VWF: variants seen among roughly 807,000 people sequenced by gnomAD.
VWF encodes Factor VIII related antigen.
Under a neutral mutation model 308.6 loss-of-function variants are expected in VWF, and 176 were observed. The observed-to-expected ratio is 0.57, with a 90% CI of 0.50 to 0.65. The LOEUF is 0.65. Ranked by LOEUF, VWF falls within the 30% of genes least tolerant of loss-of-function variation. The pLI is 0.00. For missense variants in VWF, 3,146 were observed against 3,648.2 expected (o/e 0.86, Z 3.55); for synonymous variants, 1,385 against 1,443.4 (o/e 0.96, Z 0.92).
chr12:5,990,334 G>T (rs552330781), intron 38 of VWF, among the ~76,000 whole-genome samples: 2 of 152,278 alleles, frequency 1.3e-5, no homozygotes, highest in Admixed American at 1.3e-4. Context: ...TTGAGCCTCA[G>T]TCTCATCCAT....
rs1944834503 is a variant in VWF, at chr12:6,075,645, C to A, written c.658-94G>T. The A allele has an allele frequency of 7.3e-7, 1 of 1,378,792 alleles. No homozygotes were observed. The highest frequency in any genetic ancestry group is 1.4e-5 in the African/African-American group (1 of 69,760). 85.4% of individuals were successfully genotyped at this position (1,378,792 alleles called of 1,614,324 possible). A position where few individuals can be genotyped will look rare whatever the true frequency, so the allele number is the denominator to read the frequency against. ...AGCCCTGCTAGGGAAACCAAGGCAGCTCCCTCAGCACCTGGGACAGGCTGG... is the reference window on the plus strand; with the variant it reads ...AGCCCTGCTAGGGAAACCAAGGCAGATCCCTCAGCACCTGGGACAGGCTGG... On this transcript the variant is annotated intron_variant, in intron 6 of 51. Transcript: ENST00000261405. This position sits in a 1 kb window ranked among gnomAD's most constrained non-coding sequence, Gnocchi z 4.7.
At chr12:6,026,188 G>T (rs1466459853) in intron 22 of VWF, 142 bp from the exon 23 acceptor site, 30 of 1,212,638 alleles carry the variant, frequency 2.5e-5, no homozygotes, top group Non-Finnish European at 3.3e-5. Flanking sequence ...AGACTCAGAG[G>T]AGGCCCGAGG....
At chr12:6,052,458 TC>T (rs759091278) in intron 16 of VWF, 84 bp downstream of exon 16, 5 of 1,598,130 alleles carry the variant, frequency 3.1e-6, no homozygotes, top group Non-Finnish European at 3.4e-6. Flanking sequence ...AGTTTACCCA[TC>T]CATGAAGTAA....
chr12:5,974,878 T>C (rs1943516234), intron 43 of VWF, among the ~76,000 whole-genome samples: 1 of 152,156 alleles, frequency 6.6e-6, no homozygotes, highest in African/African-American at 2.4e-5. Flanking sequence ...AAATCCCCTT[T>C]TATTGTAGCT....
chr12:6,057,910 G>A lies in VWF; in HGVS notation c.1668C>T (p.His556=), dbSNP rs531761442. Residue 556 remains histidine (H), a synonymous_variant, in exon 14 of 52, where the codon CAC becomes CAT. Transcript: ENST00000261405. ...GCTTCTGCAGGTCCTGGCAGTCCCCGTGCAGCTTCCAGGCGTTCCCGAAGT... is the reference window on the plus strand; with the variant it reads ...GCTTCTGCAGGTCCTGGCAGTCCCCATGCAGCTTCCAGGCGTTCCCGAAGT... The part of the protein sequence containing the change: ...VEDFGNAWKL[H]GDCQDLQKQH... 46 of 1,613,262 alleles carry A rather than the reference G, an allele frequency of 2.9e-5. No homozygotes were observed. The Admixed American group carries it at 5.3e-4, about 19-fold the overall frequency.
rs34547698 is a variant in VWF, at chr12:6,025,022, C to CA, written c.3222+557dup. 1.6e-4 allele frequency among the ~76,000 whole-genome samples: 19 copies of CA among 119,688 alleles called. 1 individual carries two copies. The highest frequency in any genetic ancestry group is 5.2e-4 in the South Asian group (2 of 3,860). The allele number at this position is 119,688 out of a possible 152,430, so 78.5% of individuals were successfully genotyped here. Reference sequence around the variant, plus strand: ...TGGGTGACAGAGCGAGACTCTGTCTCAAAAAAAAAAAAAAAAGAGAGAGAC... The same window carrying CA: ...TGGGTGACAGAGCGAGACTCTGTCTCAAAAAAAAAAAAAAAAAGAGAGAGAC... On this transcript the variant is annotated intron_variant, in intron 24 of 51. Coordinates refer to ENST00000261405, the MANE Select transcript of VWF (RefSeq NM_000552.5).
chr12:5,964,222 A>ACATACATACATACATACATGCATG (rs879807475), intron 47 of VWF, among the ~76,000 whole-genome samples: 1 of 116,678 alleles, frequency 8.6e-6, no homozygotes, highest in Non-Finnish European at 1.7e-5. Flanking sequence ...GTCTAAAAAT[A>ACATACATACATACATACATGCATG]CATACATACA....
At position 5,969,201 on chromosome 12, in the gene VWF, C is replaced by T. The variant is rs964948564; in HGVS notation, c.7729+10G>A. 1.9e-6 allele frequency: 3 copies of T among 1,609,894 alleles called. No homozygotes were observed. The highest frequency in any genetic ancestry group is 2.7e-5 in the African/African-American group (2 of 74,894). On this transcript the variant is annotated intron_variant, in intron 45 of 51. Transcript: ENST00000261405. Reference sequence around the variant, plus strand: ...CCCGGTCCAGCCCAGCCCCAGCCTGCATGCCTTACCACAGCGACAGCTTGG... The same window carrying T: ...CCCGGTCCAGCCCAGCCCCAGCCTGTATGCCTTACCACAGCGACAGCTTGG...
chr12:5,982,425 C>A (rs1009866593), intron 41 of VWF, among the ~76,000 whole-genome samples: 1 of 152,198 alleles, frequency 6.6e-6, no homozygotes, highest in Non-Finnish European at 1.5e-5. Flanking sequence ...ATACCCTACA[C>A]TTTAGGTCCG....
At chr12:6,101,545 G>A (rs574861194) in intron 5 of VWF, among the ~76,000 whole-genome samples, 59 of 151,134 alleles carry the variant, frequency 3.9e-4, no homozygotes, top group Middle Eastern at 7.1e-3. Context: ...GGGAGGCCGA[G>A]GAGGGCAGAT....
In VWF at chr12:5,991,918, T is replaced by C. The variant is rs553793764; in HGVS notation, c.6699A>G (p.Glu2233=). 2.5e-6 allele frequency: 4 copies of C among 1,614,154 alleles called. No individual in the cohort carries two copies. The South Asian group carries it at 3.3e-5, about 13-fold the overall frequency. The change falls in exon 38 of 52, where the codon GAA becomes GAG. Residue 2233 remains glutamate, a synonymous_variant. Transcript: ENST00000261405. ...CTTTATCTGGAGGGCAGAAACAGCC[T>C]TCGGAGGGATGGTCCCCACAGGAGC... ...NVSSCGDHPS[E]GCFCPPDKVM...
chr12:6,073,692 G>T lies in VWF; in HGVS notation c.924C>A (p.Cys308Ter), dbSNP rs557379500. Residue 308 changes from cysteine (C) to a stop codon, truncating the protein, a stop_gained, in exon 8 of 52, where the codon TGC becomes TGA. Transcript: ENST00000261405. LOFTEE classifies it high-confidence loss of function. Reference protein sequence around the residue: ...GMEYRQCVSPCARTCQSLHIN... With the variant: ...GMEYRQCVSP ...TGTGCAGGCTCTGGCAGGTCCTGGC[G>T]CAAGGGGACACACACTGCCTATACT... 1 of 1,613,894 alleles carries T rather than the reference G, an allele frequency of 6.2e-7. No homozygotes were observed. Among genetic ancestry groups the T allele is most frequent in the Non-Finnish European group, 8.5e-7 (1 of 1,180,018 alleles).
Position 5,976,241 on chromosome 12 carries a change from G to A in VWF, c.7307C>T (p.Thr2436Ile), listed in dbSNP as rs1456012153. The A allele has an allele frequency of 6.2e-7, 1 of 1,614,164 alleles. No individual in the cohort carries two copies. Among genetic ancestry groups the A allele is most frequent in the Admixed American group, 1.7e-5 (1 of 60,018 alleles). ...CCAGAACTGGCCCACAGGGTAGATGGTGCTTCGGTGGACACACACCTGTAG... is the reference window on the plus strand; with the variant it reads ...CCAGAACTGGCCCACAGGGTAGATGATGCTTCGGTGGACACACACCTGTAG... Reference protein sequence around the residue: ...LPDKVCVHRSTIYPVGQFWEE... With the variant: ...LPDKVCVHRSIIYPVGQFWEE... The change falls in exon 43 of 52, where the codon ACC (threonine) becomes ATC (isoleucine). Residue 2436 changes from threonine to isoleucine, a missense_variant. Thr to Ile is a moderately conservative substitution (Grantham distance 89). Around this residue, in one of 3 missense-constraint regions of VWF, gnomAD observed 989 missense variants for 1,117.4 expected, o/e 0.89. Transcript: ENST00000261405.
intron 6 of VWF, among the ~76,000 whole-genome samples, chr12:6,088,480 A>G (rs1306609266): frequency 2.1e-5 from 3 of 145,854 alleles, no homozygotes; most frequent in Non-Finnish European, 4.5e-5. Context: ...CTCTGTCTAA[A>G]AAAAAAAAAA....
At position 6,025,801 on chromosome 12, in the gene VWF, T is replaced by A. The variant is rs1451326097; in HGVS notation, c.3108+105A>T. 46 of 1,598,902 alleles carry A rather than the reference T, an allele frequency of 2.9e-5. No homozygotes were observed. The East Asian group carries it at 9.6e-4, about 33-fold the overall frequency. The stretch of plus-strand genomic sequence containing the variant: ...TTCCCACCCTGCAGCCACCTGGAGG[T>A]CATACCACCCACAACCCCCCTTCCA... On this transcript the variant is annotated intron_variant, in intron 23 of 51. Coordinates refer to ENST00000261405, the MANE Select transcript of VWF (RefSeq NM_000552.5).
intron 32 of VWF, among the ~76,000 whole-genome samples, chr12:6,013,117 A>G (rs1266685371): frequency 2.0e-5 from 3 of 152,210 alleles, no homozygotes; most frequent in Non-Finnish European, 4.4e-5. Context: ...GAGTTAGTCT[A>G]GGCCCATGGG....
chr12:6,025,950 C>G lies in VWF; in HGVS notation c.3064G>C (p.Gly1022Arg). The change falls in exon 23 of 52, where the codon GGG (glycine) becomes CGG (arginine). Residue 1022 changes from glycine to arginine, a missense_variant. Around this residue, in one of 3 missense-constraint regions of VWF, gnomAD observed 853 missense variants for 1,177.8 expected, o/e 0.72. Coordinates refer to ENST00000261405, the MANE Select transcript of VWF (RefSeq NM_000552.5). ...LQVEEDPVDF[G>R]NSWKVSSQCA... is the part of the protein sequence containing the mutation. ...TGCGAGCTCACTTTCCAGGAGTTCC[C>G]AAAGTCCACAGGGTCTTCCTCCACT... 1 of 1,613,958 alleles carries G rather than the reference C, an allele frequency of 6.2e-7. No homozygotes were observed.
rs1254165973 is a variant in VWF, at chr12:6,060,864, G to A, written c.1533+2090C>T. ...TGCTGATCAAGGGGAGAAAGTGCATGGGTGGAGAGCACCCTCTCTGTGAGG... is the reference window on the plus strand; with the variant it reads ...TGCTGATCAAGGGGAGAAAGTGCATAGGTGGAGAGCACCCTCTCTGTGAGG... On this transcript the variant is annotated intron_variant, in intron 13 of 51. Transcript: ENST00000261405. The surrounding 1 kb of genome is among the most constrained non-coding windows in gnomAD (Gnocchi z 5.1). 6.6e-6 allele frequency among the ~76,000 whole-genome samples: 1 copy of A among 152,160 alleles called. No homozygotes were observed. Among genetic ancestry groups the A allele is most frequent in the Non-Finnish European group, 1.5e-5 (1 of 68,030 alleles).
At chr12:6,051,652 C>T (rs7138256) in intron 16 of VWF, among the ~76,000 whole-genome samples, 18,321 of 152,132 alleles carry the variant, frequency 0.12, 2,476 homozygotes, top group African/African-American at 0.33. Flanking sequence ...CTCTGTCGCC[C>T]GGGCTAGAAT....
Sources: gnomAD v4.1 joint callset for allele counts (sites outside exome capture counted in the v4.1 genomes callset) on GRCh38, gnomAD v4.1.1 for gene constraint, gnomAD v4.1.1 regional missense constraint, Gnocchi (gnomAD v3.1) non-coding constraint, MANE v1.5 for transcripts, NCBI Gene and HGNC (gene_info 2026-07-23, HGNC 2026-07-21) for gene names.